UBE2L6: variants seen among roughly 807,000 people sequenced by gnomAD.
The protein encoded by UBE2L6 is ubiquitin conjugating enzyme E2 L6.
UBE2L6 carries 11 observed loss-of-function variants against 13.6 expected under a neutral mutation model. That is an observed-to-expected ratio of 0.81 (90% CI 0.51 to 1.34). The LOEUF (loss-of-function observed/expected upper bound fraction) is 1.34. Ranked by LOEUF, UBE2L6 falls within the 40% of genes most tolerant of loss-of-function variation. The probability of loss-of-function intolerance (pLI) is 0.00; values close to 1 mark genes in which losing one functional copy is unlikely to be tolerated. For synonymous variants in UBE2L6, 74 were observed against 83.2 expected (o/e 0.89, Z 0.60); for missense variants, 197 against 199.5 (o/e 0.99, Z 0.07).
chr11:57,567,125 A>G (rs543234490), intron 1 of UBE2L6: 1 of 458,590 alleles, frequency 2.2e-6, no homozygotes, highest in Admixed American at 2.3e-5. Flanking sequence ...GTTTCTCAGG[A>G]CTCTAGTAAT....
rs957112678 is a variant in UBE2L6, at chr11:57,567,668, G to T, written c.-57C>A. 1 of 1,559,102 alleles carries T rather than the reference G, an allele frequency of 6.4e-7. No homozygotes were observed. The highest frequency in any genetic ancestry group is 8.7e-7 in the Non-Finnish European group (1 of 1,149,170). The stretch of plus-strand genomic sequence containing the variant: ...CCAGCAGGACCGAGCTCCGACCCGC[G>T]ACACAGCGCGCCCCGCCCCGCCCCG... On this transcript the variant is annotated 5_prime_UTR_variant, in exon 1 of 4. Transcript: ENST00000287156.
chr11:57,558,078 ATTTTG>A lies in UBE2L6; in HGVS notation c.123+2254_123+2258del, dbSNP rs1189981428. Among the ~76,000 whole-genome samples, 4 of 152,082 alleles carry A rather than the reference ATTTTG, an allele frequency of 2.6e-5. 1 individual carries two copies. Among genetic ancestry groups the A allele is most frequent in the South Asian group, 2.1e-4 (1 of 4,820 alleles). On this transcript the variant is annotated intron_variant, in intron 2 of 3. Transcript: ENST00000287156. ...GTTAAATAAAGGATTTTGCTACTTT[ATTTTG>A]TTTTGTTTTTTTGAGACAGAGTTTT... is the stretch of plus-strand genomic sequence containing the variant.
intron 3 of UBE2L6, among the ~76,000 whole-genome samples, chr11:57,552,960 C>T (rs771892770): frequency 4.6e-4 from 70 of 152,354 alleles, no homozygotes; most frequent in Middle Eastern, 3.4e-3. Flanking sequence ...CAGCCCATCT[C>T]CCGAGACAGA....
At chr11:57,557,607 T>G (rs1945008127) in intron 2 of UBE2L6, among the ~76,000 whole-genome samples, 1 of 152,144 alleles carries the variant, frequency 6.6e-6, no homozygotes, top group Non-Finnish European at 1.5e-5. Flanking sequence ...TTGGTCAGGC[T>G]GGTCTTGAAC....
intron 3 of UBE2L6, 58 bp from the exon 4 acceptor site, chr11:57,552,567 C>T (rs1590806739): frequency 1.2e-6 from 2 of 1,602,378 alleles, no homozygotes; most frequent in African/African-American, 2.7e-5. Context: ...GTCATGGCTG[C>T]CCGTTCCCAA....
chr11:57,567,477 C>T lies in UBE2L6; in HGVS notation c.27+108G>A, dbSNP rs1945101741. ...CAGGGATTCAGCCAGCCCTGGTGCC[C>T]AGACAAATAAATAAATGTGCTCGGA... On this transcript the variant is annotated intron_variant, in intron 1 of 3. Coordinates refer to ENST00000287156, the MANE Select transcript of UBE2L6 (RefSeq NM_004223.5). 5 of 1,483,090 alleles carry T rather than the reference C, an allele frequency of 3.4e-6. No homozygotes were observed. The South Asian group carries it at 6.0e-5, about 18-fold the overall frequency. 91.9% of individuals were successfully genotyped at this position (1,483,090 alleles called of 1,614,324 possible). A position where few individuals can be genotyped will look rare whatever the true frequency, so the allele number is the denominator to read the frequency against.
At chr11:57,565,607 C>T (rs979454055) in intron 1 of UBE2L6, among the ~76,000 whole-genome samples, 1 of 151,854 alleles carries the variant, frequency 6.6e-6, no homozygotes, top group Non-Finnish European at 1.5e-5. Flanking sequence ...TCAAGCAGTC[C>T]GCGAACCTCA....
chr11:57,560,468 G>T (rs747446969), intron 1 of UBE2L6, 36 bp from the exon 2 acceptor site: 2 of 1,517,210 alleles, frequency 1.3e-6, no homozygotes, highest in Non-Finnish European at 1.8e-6. Context: ...AGTTGGCCTA[G>T]TCCTCCTTAT....
At chr11:57,562,088 G>A (rs1347330908) in intron 1 of UBE2L6, among the ~76,000 whole-genome samples, 2 of 152,332 alleles carry the variant, frequency 1.3e-5, no homozygotes, top group South Asian at 2.1e-4. Flanking sequence ...AGGGGAGACC[G>A]CTGCCCTGCA....
At chr11:57,567,456 G>T in intron 1 of UBE2L6, 129 bp downstream of exon 1, 1 of 1,325,978 alleles carries the variant, frequency 7.5e-7, no homozygotes, top group Non-Finnish European at 1.1e-6. Context: ...GGAGGACAGG[G>T]ATTCAGCCAG....
chr11:57,562,513 C>G (rs1441688903), intron 1 of UBE2L6, among the ~76,000 whole-genome samples: 1 of 152,204 alleles, frequency 6.6e-6, no homozygotes, highest in African/African-American at 2.4e-5. Context: ...TTACAGCGGG[C>G]CTTGAGCAAA....
At chr11:57,560,676 A>G (rs1276157729) in intron 1 of UBE2L6, among the ~76,000 whole-genome samples, 1 of 147,964 alleles carries the variant, frequency 6.8e-6, no homozygotes, top group Non-Finnish European at 1.5e-5. Flanking sequence ...GCTGGAATGC[A>G]GTGGCGCAAT....
Position 57,560,429 on chromosome 11 carries a change from G to C in UBE2L6, c.31C>G (p.Leu11Val), listed in dbSNP as rs763603208. The C allele has an allele frequency of 3.7e-6, 6 of 1,611,956 alleles. No homozygotes were observed. In the Admixed American group the frequency reaches 6.7e-5, roughly 18 times the overall value. The change falls in exon 2 of 4, where the codon CTG (leucine) becomes GTG (valine). Residue 11 changes from leucine to valine, a missense_variant. Physicochemically the swap from Leu to Val is conservative, Grantham distance 32 (BLOSUM62 1). Coordinates refer to ENST00000287156, the MANE Select transcript of UBE2L6 (RefSeq NM_004223.5). Reference protein sequence around the residue: MMASMRVVKELEDLQKKPPPY... With the variant: MMASMRVVKEVEDLQKKPPPY... ...GGAGGCTTCTTCTGAAGATCCTCCA[G>C]CTCCTGCAGGGGACACAAGTGAGTG...
At chr11:57,567,396 C>T (rs550120423) in intron 1 of UBE2L6, 189 bp downstream of exon 1, 51 of 834,570 alleles carry the variant, frequency 6.1e-5, no homozygotes, top group South Asian at 4.9e-4. Flanking sequence ...CCCCCAAAAC[C>T]CCAGCTCTGG....
intron 3 of UBE2L6, among the ~76,000 whole-genome samples, chr11:57,553,673 C>T (rs1944975799): frequency 6.6e-6 from 1 of 151,946 alleles, no homozygotes; most frequent in African/African-American, 2.4e-5. Context: ...ATTAAAAATA[C>T]AAAATAGCTG....
rs1397320237 is a variant in UBE2L6 at position 57,563,456 on chromosome 11, G to C, written c.28-3024C>G. Among the ~76,000 whole-genome samples, 4 of 147,098 alleles carry C rather than the reference G, an allele frequency of 2.7e-5. No homozygotes were observed. In the East Asian group the frequency reaches 8.1e-4, roughly 30 times the overall value. On this transcript the variant is annotated intron_variant, in intron 1 of 3. Transcript: ENST00000287156. ...AGAGCATGCCATTGCACTCCAGCCTGGGCAACAAGAGTGGAACTCTGTCTC... is the reference window on the plus strand; with the variant it reads ...AGAGCATGCCATTGCACTCCAGCCTCGGCAACAAGAGTGGAACTCTGTCTC...
Position 57,567,571 on chromosome 11 carries a change from C to T in UBE2L6, c.27+14G>A, listed in dbSNP as rs764752584. 1 of 1,606,844 alleles carries T rather than the reference C, an allele frequency of 6.2e-7. No individual in the cohort carries two copies. Among genetic ancestry groups the T allele is most frequent in the Non-Finnish European group, 8.5e-7 (1 of 1,177,682 alleles). On this transcript the variant is annotated intron_variant, in intron 1 of 3. Coordinates refer to ENST00000287156, the MANE Select transcript of UBE2L6 (RefSeq NM_004223.5). ...GGGGAGCCAAGAGAAAGGGGTCATC[C>T]TATACGCGGTTACCTTCACCACTCG...
intron 1 of UBE2L6, chr11:57,567,040 C>G (rs1277387048): frequency 2.2e-6 from 1 of 453,394 alleles, no homozygotes; most frequent in Non-Finnish European, 4.4e-6. Context: ...AGGAGGCCTT[C>G]CAGGTCCACC....
chr11:57,561,884 C>T (rs566448555), intron 1 of UBE2L6, among the ~76,000 whole-genome samples: 15 of 152,198 alleles, frequency 9.9e-5, no homozygotes, highest in Non-Finnish European at 2.1e-4. Context: ...GATAAAGACA[C>T]TCAAGGGCAG....
Sources: allele counts gnomAD v4.1 joint callset (sites outside exome capture counted in the v4.1 genomes callset), GRCh38; gene constraint gnomAD v4.1.1; transcripts MANE v1.5; gene names NCBI Gene and HGNC (gene_info 2026-07-23, HGNC 2026-07-21).